The following CHN1 variants were observed in gnomAD, a reference collection of about 807,000 sequenced individuals.
CHN1 encodes the protein N-chimaerin.
CHN1 carries 37 observed loss-of-function variants against 59.5 expected under a neutral mutation model. That is an observed-to-expected ratio of 0.62 (90% CI 0.48 to 0.82). The LOEUF (loss-of-function observed/expected upper bound fraction) is 0.82, where lower values mean the gene tolerates loss of function less well. CHN1 is among the 40% of genes least tolerant of loss of function. The pLI is 0.00. For synonymous variants in CHN1, 206 were observed against 200.4 expected, an observed-to-expected ratio of 1.03 and a Z score of -0.24; for missense variants, 469 against 571.0, an observed-to-expected ratio of 0.82 and a Z score of 1.82.
In CHN1 at chr2:174,852,556, C is replaced by A. The variant is rs529731817; in HGVS notation, c.550-5599G>T. Among the ~76,000 whole-genome samples, 7 of 152,234 alleles carry A rather than the reference C, an allele frequency of 4.6e-5. No homozygotes were observed. In the East Asian group the frequency reaches 1.2e-3, roughly 25 times the overall value. On this transcript the variant is annotated intron_variant, in intron 6 of 12. Coordinates refer to ENST00000409900, the MANE Select transcript of CHN1 (RefSeq NM_001822.7). ...TTCCTGTCAGATTACCAACATCATTCTTTACAGAATTAGAAAAACCTATTC... is the reference window on the plus strand; with the variant it reads ...TTCCTGTCAGATTACCAACATCATTATTTACAGAATTAGAAAAACCTATTC...
intron 3 of CHN1, among the ~76,000 whole-genome samples, chr2:174,927,135 T>A (rs1415189865): frequency 6.6e-6 from 1 of 152,070 alleles, no homozygotes; most frequent in Admixed American, 6.6e-5. Context: ...GCCCTCACAA[T>A]CATCTTTAGA....
chr2:174,801,989 C>T, intron 11 of CHN1, 177 bp from the exon 12 acceptor site: 1 of 488,862 alleles, frequency 2.0e-6, no homozygotes, highest in Non-Finnish European at 3.7e-6. Context: ...TTTCCAAAGG[C>T]TCTTAGTTTC....
intron 11 of CHN1, among the ~76,000 whole-genome samples, chr2:174,804,820 A>G (rs916257012): frequency 2.6e-5 from 4 of 152,226 alleles, no homozygotes; most frequent in African/African-American, 4.8e-5. Flanking sequence ...ATTCAAATGA[A>G]CATGCTGACT....
chr2:174,799,936 G>A lies in CHN1; in HGVS notation c.*180C>T. ...GGATTACTAGAACCAGAAAGCGTGT[G>A]TTCACTGTTTTACAAGACAGCTGAG... On this transcript the variant is annotated 3_prime_UTR_variant, in exon 13 of 13. Coordinates refer to ENST00000409900, the MANE Select transcript of CHN1 (RefSeq NM_001822.7). The A allele has an allele frequency of 1.4e-6, 1 of 695,322 alleles. No homozygotes were observed. Among genetic ancestry groups the A allele is most frequent in the Non-Finnish European group, 2.6e-6 (1 of 385,502 alleles). The allele number at this position is 695,322 out of a possible 1,614,324, so 43.1% of individuals were successfully genotyped here.
At chr2:174,804,317 G>T (rs1239631569) in intron 11 of CHN1, among the ~76,000 whole-genome samples, 1 of 152,008 alleles carries the variant, frequency 6.6e-6, no homozygotes, top group Non-Finnish European at 1.5e-5. Context: ...AGTGAAGAGG[G>T]GGATATTAGC....
At chr2:174,921,034 T>C in intron 3 of CHN1, 1 of 416,372 alleles carries the variant, frequency 2.4e-6, no homozygotes, top group Non-Finnish European at 5.0e-6. Flanking sequence ...GAGTCTAATA[T>C]GGCCGCTGAT....
At chr2:174,819,446 T>C (rs1022328232) in intron 8 of CHN1, among the ~76,000 whole-genome samples, 2 of 152,198 alleles carry the variant, frequency 1.3e-5, no homozygotes, top group African/African-American at 4.8e-5. Context: ...GAAATAATTA[T>C]CCTTCTTAAT....
intron 5 of CHN1, among the ~76,000 whole-genome samples, chr2:174,895,476 G>C (rs1413212911): frequency 6.6e-6 from 1 of 151,858 alleles, no homozygotes; most frequent in Non-Finnish European, 1.5e-5. Context: ...TCACACAAGA[G>C]GAAAAAGTTC....
At chr2:174,805,671 T>C (rs1003299703) in intron 11 of CHN1, among the ~76,000 whole-genome samples, 2 of 152,186 alleles carry the variant, frequency 1.3e-5, no homozygotes, top group East Asian at 1.9e-4. Flanking sequence ...ATGTGAACAT[T>C]GTCCGAGAAG....
chr2:174,986,973 T>A (rs186258065), intron 1 of CHN1, among the ~76,000 whole-genome samples: 127 of 152,288 alleles, frequency 8.3e-4, no homozygotes, highest in Middle Eastern at 3.4e-3. Flanking sequence ...CCTGACCTCA[T>A]GGTCTGCCTG....
At chr2:174,972,354 C>T (rs1406616231) in intron 1 of CHN1, among the ~76,000 whole-genome samples, 1 of 152,170 alleles carries the variant, frequency 6.6e-6, no homozygotes, top group African/African-American at 2.4e-5. Flanking sequence ...AAGACAGGCA[C>T]TTACTGTCTG....
chr2:174,934,665 C>T (rs1689445202), intron 3 of CHN1, among the ~76,000 whole-genome samples: 1 of 152,170 alleles, frequency 6.6e-6, no homozygotes, highest in South Asian at 2.1e-4. Context: ...TTTCCTCCAG[C>T]CATACTGTTA....
intron 7 of CHN1, among the ~76,000 whole-genome samples, chr2:174,843,943 T>A (rs1413573885): frequency 6.7e-6 from 1 of 149,672 alleles, no homozygotes; most frequent in Non-Finnish European, 1.5e-5. Context: ...TTATTTTTAA[T>A]GTTAGAGTTT....
At chr2:174,998,086 TG>T (rs1397121060) in intron 1 of CHN1, among the ~76,000 whole-genome samples, 2 of 146,772 alleles carry the variant, frequency 1.4e-5, no homozygotes, top group African/African-American at 2.5e-5. Flanking sequence ...GTGGATCACA[TG>T]AGGTCAGGAG....
chr2:174,881,045 T>TC (rs1187571969), intron 5 of CHN1, among the ~76,000 whole-genome samples: 1 of 120,092 alleles, frequency 8.3e-6, no homozygotes, highest in Non-Finnish European at 1.6e-5. Flanking sequence ...AAACTCCATC[T>TC]CAAAAAAAAA....
chr2:174,811,876 T>A (rs963110383), intron 9 of CHN1, among the ~76,000 whole-genome samples: 1 of 152,184 alleles, frequency 6.6e-6, no homozygotes, highest in Non-Finnish European at 1.5e-5. Context: ...TTCTTTTACA[T>A]AACAGAAGAC....
intron 5 of CHN1, among the ~76,000 whole-genome samples, chr2:174,895,047 G>GCACACA (rs1176777406): frequency 6.8e-6 from 1 of 147,042 alleles, no homozygotes. Context: ...ACACACACGC[G>GCACACA]CGCACACACA....
intron 1 of CHN1, among the ~76,000 whole-genome samples, chr2:174,959,493 T>C (rs1690328639): frequency 6.6e-6 from 1 of 152,200 alleles, no homozygotes; most frequent in Admixed American, 6.5e-5. Flanking sequence ...GCAGAATTAG[T>C]TGCTGAAGGC....
chr2:174,930,768 A>ATT lies in CHN1; in HGVS notation c.115-12205_115-12204dup, dbSNP rs145852596. ...CAATTATAGGAATTTACTATAGCTG[A>ATT]TTTTTTTTTTTTTTGAGACGGAGTC... On this transcript the variant is annotated intron_variant, in intron 3 of 12. Transcript: ENST00000409900. Among the ~76,000 whole-genome samples, 31 of 145,852 alleles carry ATT rather than the reference A, an allele frequency of 2.1e-4. 1 individual carries two copies. Among genetic ancestry groups the ATT allele is most frequent in the Admixed American group, 9.6e-4 (14 of 14,536 alleles).
Sources: gnomAD v4.1 joint callset for allele counts (sites outside exome capture counted in the v4.1 genomes callset) on GRCh38, gnomAD v4.1.1 for gene constraint, MANE v1.5 for transcripts, NCBI Gene and HGNC (gene_info 2026-07-23, HGNC 2026-07-21) for gene names.